The following TPX2 variants were observed in gnomAD, a reference collection of about 807,000 sequenced individuals.
TPX2 encodes targeting protein for Xklp2.
In TPX2, 21 loss-of-function variants were observed where a neutral mutation model predicts 93.6. That is an observed-to-expected ratio of 0.22 (90% CI 0.16 to 0.32). TPX2 has a LOEUF of 0.32. TPX2 is among the 10% of genes least tolerant of loss of function. TPX2 has a pLI of 1.00. For missense variants in TPX2, 776 were observed against 871.1 expected, an observed-to-expected ratio of 0.89 and a Z score of 1.37; for synonymous variants, 281 against 298.3, an observed-to-expected ratio of 0.94 and a Z score of 0.60.
intron 1 of TPX2, among the ~76,000 whole-genome samples, chr20:31,740,665 A>G (rs1487550325): frequency 6.6e-6 from 1 of 152,236 alleles, no homozygotes; most frequent in African/African-American, 2.4e-5. Context: ...GAAATTGGCA[A>G]GTGAGAATCA....
chr20:31,783,874 G>T lies in TPX2; in HGVS notation c.1366G>T (p.Glu456Ter). The change falls in exon 12 of 18, where the codon GAA (glutamate) becomes TAA (stop). Residue 456 changes from glutamate (E) to a stop codon, truncating the protein, a stop_gained. Coordinates refer to ENST00000300403, the MANE Select transcript of TPX2 (RefSeq NM_012112.5). LOFTEE classifies it high-confidence loss of function. ...GAAGAAAACAGAGGATGAACACTTT[G>T]AATTTCATTCCAGACCTTGCCCTAC... The part of the protein sequence containing the change: ...SKKKTEDEHF[E>*]FHSRPCPTKI... 6.2e-7 allele frequency: 1 copy of T among 1,609,310 alleles called. No homozygotes were observed. The highest frequency in any genetic ancestry group is 1.1e-5 in the South Asian group (1 of 89,676).
intron 2 of TPX2, among the ~76,000 whole-genome samples, chr20:31,755,635 C>T (rs1340057404): frequency 2.0e-5 from 3 of 151,774 alleles, no homozygotes; most frequent in Admixed American, 6.6e-5. Flanking sequence ...TGGCTGTGGG[C>T]GCCTGTAATT....
In TPX2 at chr20:31,775,925, C is replaced by A. The variant is rs766791195; in HGVS notation, c.667C>A (p.Gln223Lys). Residue 223 changes from glutamine to lysine, a missense_variant, in exon 8 of 18, where the codon CAA (glutamine) becomes AAA (lysine). By Grantham distance (53) the Gln-to-Lys change is moderately conservative (BLOSUM62 1). Transcript: ENST00000300403. ...GCTGGAGAAGAGTATGAAAATGCAG[C>A]AAGAGGTGGTGGAGATGCGGAAAAA... The part of the protein sequence containing the change: ...QELEKSMKMQ[Q>K]EVVEMRKKNE... 1.9e-6 allele frequency: 3 copies of A among 1,605,060 alleles called. No individual in the cohort carries two copies. Among genetic ancestry groups the A allele is most frequent in the African/African-American group, 2.7e-5 (2 of 74,548 alleles).
At chr20:31,766,454 GGTGTGTGTGTGTGTGTGTGTGT>G (rs35700111) in intron 4 of TPX2, 80 bp from the exon 5 acceptor site, 12 of 720,544 alleles carry the variant, frequency 1.7e-5, no homozygotes, top group African/African-American at 1.1e-4. Context: ...GCTTAGACAG[GGTGTGTGTGTGTGTGTGTGTGT>G]GTGTGTGTGT....
intron 16 of TPX2, 58 bp from the exon 17 acceptor site, chr20:31,798,307 G>A: frequency 6.2e-7 from 1 of 1,605,926 alleles, no homozygotes; most frequent in South Asian, 1.1e-5. Flanking sequence ...ATTCCAGGGG[G>A]CGTAGGTTTA....
intron 10 of TPX2, among the ~76,000 whole-genome samples, chr20:31,780,655 T>G (rs1320706028): frequency 6.6e-6 from 1 of 152,226 alleles, no homozygotes; most frequent in African/African-American, 2.4e-5. Context: ...GATTTGGTTT[T>G]GATCTACCAC....
intron 10 of TPX2, among the ~76,000 whole-genome samples, chr20:31,779,376 A>G (rs1025799345): frequency 6.6e-6 from 1 of 152,222 alleles, no homozygotes; most frequent in East Asian, 1.9e-4. Flanking sequence ...AATTTTTACT[A>G]CTACTAACCA....
intron 1 of TPX2, among the ~76,000 whole-genome samples, chr20:31,741,932 C>G (rs1370586144): frequency 6.6e-6 from 1 of 151,866 alleles, no homozygotes; most frequent in African/African-American, 2.4e-5. Context: ...GATTTCATAA[C>G]CCAAGCGATT....
intron 2 of TPX2, among the ~76,000 whole-genome samples, chr20:31,745,984 G>T (rs2061781715): frequency 6.6e-6 from 1 of 152,152 alleles, no homozygotes; most frequent in African/African-American, 2.4e-5. Context: ...CTTAAAAAAG[G>T]GCAATATGAA....
intron 4 of TPX2, among the ~76,000 whole-genome samples, chr20:31,762,878 A>G (rs541138810): frequency 6.6e-6 from 1 of 152,218 alleles, no homozygotes; most frequent in African/African-American, 2.4e-5. Flanking sequence ...CTGGGCTTAA[A>G]CAATCCTACC....
At chr20:31,772,883 C>A (rs2061972322) in intron 7 of TPX2, among the ~76,000 whole-genome samples, 1 of 152,038 alleles carries the variant, frequency 6.6e-6, no homozygotes, top group Non-Finnish European at 1.5e-5. Flanking sequence ...GGAGAAATTC[C>A]CCACAGGGTA....
At chr20:31,746,967 A>G (rs1005525332) in intron 2 of TPX2, among the ~76,000 whole-genome samples, 5 of 152,188 alleles carry the variant, frequency 3.3e-5, no homozygotes, top group South Asian at 4.1e-4. Flanking sequence ...TATTTTTTAC[A>G]TCAGGAAACC....
chr20:31,761,585 A>T (rs2061891467), intron 4 of TPX2, among the ~76,000 whole-genome samples: 1 of 152,180 alleles, frequency 6.6e-6, no homozygotes, highest in Admixed American at 6.5e-5. Context: ...ACAGAATTTC[A>T]TTCTTTTTTA....
intron 2 of TPX2, among the ~76,000 whole-genome samples, chr20:31,756,632 AT>A (rs34823692): frequency 4.6e-5 from 7 of 151,474 alleles, no homozygotes; most frequent in South Asian, 4.2e-4. Context: ...ATTTATTATT[AT>A]TTTTTTTGAG....
At chr20:31,800,080 C>T (rs1003514198) in intron 17 of TPX2, among the ~76,000 whole-genome samples, 1 of 152,040 alleles carries the variant, frequency 6.6e-6, no homozygotes, top group African/African-American at 2.4e-5. Context: ...AGTCCCATCT[C>T]TATTTTAAAT....
intron 2 of TPX2, among the ~76,000 whole-genome samples, chr20:31,754,181 C>T (rs1422262547): frequency 1.3e-5 from 2 of 152,070 alleles, no homozygotes; most frequent in Non-Finnish European, 2.9e-5. Context: ...CTCACTGCAG[C>T]CTCCCGGGTT....
Position 31,782,346 on chromosome 20 carries a change from A to C in TPX2, c.1152A>C (p.Lys384Asn), listed in dbSNP as rs1329899869. The change falls in exon 11 of 18, where the codon AAA (lysine) becomes AAC (asparagine). Residue 384 changes from lysine to asparagine, a missense_variant. Around this residue, in one of 3 missense-constraint regions of TPX2, gnomAD observed 461 missense variants for 551.2 expected, o/e 0.84. Transcript: ENST00000300403. ...ACCGTGCACGGGCTGTGACCTGCAA[A>C]AGTACAGCAGAGCTGGAGGCTGAGG... ...TKHRARAVTC[K>N]STAELEAEEL... 1 of 1,613,566 alleles carries C rather than the reference A, an allele frequency of 6.2e-7. No individual in the cohort carries two copies. Among genetic ancestry groups the C allele is most frequent in the South Asian group, 1.1e-5 (1 of 90,898 alleles).
Position 31,797,401 on chromosome 20 carries a change from T to C in TPX2, c.1834-3T>C, listed in dbSNP as rs202052858. ...CTCATCTGACTGACTTTCTCTCTAA[T>C]AGCTGGAAGAAGAACTGAGACAGCA... is the stretch of plus-strand genomic sequence containing the variant. On this transcript the variant is annotated splice_region_variant and splice_polypyrimidine_tract_variant and intron_variant, in intron 15 of 17. Coordinates refer to ENST00000300403, the MANE Select transcript of TPX2 (RefSeq NM_012112.5). The C allele has an allele frequency of 1.9e-4, 299 of 1,613,926 alleles. No individual in the cohort carries two copies. The highest frequency in any genetic ancestry group is 2.4e-4 in the Non-Finnish European group (284 of 1,179,930).
At chr20:31,756,167 G>A (rs546150594) in intron 2 of TPX2, among the ~76,000 whole-genome samples, 1 of 152,336 alleles carries the variant, frequency 6.6e-6, no homozygotes, top group East Asian at 1.9e-4. Context: ...TTGGATGGAT[G>A]GATGGATGGA....
Sources: allele counts gnomAD v4.1 joint callset (sites outside exome capture counted in the v4.1 genomes callset), GRCh38; gene constraint gnomAD v4.1.1; regional missense constraint gnomAD v4.1.1; transcripts MANE v1.5; gene names NCBI Gene and HGNC (gene_info 2026-07-23, HGNC 2026-07-21).